The following CYTH1 variants were observed in gnomAD, a reference collection of about 807,000 sequenced individuals.
The protein encoded by CYTH1 is cytohesin 1.
Under a neutral mutation model 61.8 loss-of-function variants are expected in CYTH1, and 18 were observed. That is an observed-to-expected ratio of 0.29 (90% CI 0.20 to 0.43). The LOEUF is 0.43. Ranked by LOEUF, CYTH1 falls within the 20% of genes least tolerant of loss-of-function variation. The probability of loss-of-function intolerance (pLI) is 1.00; values close to 1 mark genes in which losing one functional copy is unlikely to be tolerated. For missense variants in CYTH1, 336 were observed against 510.5 expected, an observed-to-expected ratio of 0.66 and a Z score of 3.29; for synonymous variants, 174 against 184.3, an observed-to-expected ratio of 0.94 and a Z score of 0.45.
intron 1 of CYTH1, among the ~76,000 whole-genome samples, chr17:78,735,564 G>C (rs1333798623): frequency 6.6e-6 from 1 of 152,228 alleles, no homozygotes; most frequent in Non-Finnish European, 1.5e-5. Context: ...ACCTGTGCAT[G>C]CTTCCCTCCC....
intron 1 of CYTH1, among the ~76,000 whole-genome samples, chr17:78,742,103 A>G (rs1276236566): frequency 6.6e-6 from 1 of 152,242 alleles, no homozygotes; most frequent in Non-Finnish European, 1.5e-5. Flanking sequence ...AAATGCTGCA[A>G]CATCCTTGTA....
chr17:78,688,020 T>C (rs1206036951), intron 11 of CYTH1, among the ~76,000 whole-genome samples: 3 of 152,228 alleles, frequency 2.0e-5, no homozygotes, highest in African/African-American at 4.8e-5. Context: ...TTAGGCCATG[T>C]ACTTTAATGT....
chr17:78,770,660 G>C (rs142797549), intron 1 of CYTH1, among the ~76,000 whole-genome samples: 18 of 152,140 alleles, frequency 1.2e-4, no homozygotes, highest in African/African-American at 4.3e-4. Context: ...TTTGTGATCC[G>C]CCTGCCTCGG....
At chr17:78,702,719 A>C in intron 3 of CYTH1, 115 bp from the exon 4 acceptor site, 1 of 1,131,604 alleles carries the variant, frequency 8.8e-7, no homozygotes, top group Non-Finnish European at 1.3e-6. Flanking sequence ...CCAGGAAAGC[A>C]ACAGGCATAA....
intron 3 of CYTH1, among the ~76,000 whole-genome samples, chr17:78,704,878 G>T (rs757561066): frequency 3.3e-5 from 5 of 152,174 alleles, no homozygotes; most frequent in Admixed American, 6.5e-5. Flanking sequence ...AGAACTTCCA[G>T]GTGTAAGATA....
chr17:78,779,169 G>C (rs765637974), intron 1 of CYTH1, among the ~76,000 whole-genome samples: 1 of 152,274 alleles, frequency 6.6e-6, no homozygotes, highest in Non-Finnish European at 1.5e-5. Flanking sequence ...GGGAGGCTTA[G>C]GCAGGCAGAT....
chr17:78,774,500 C>T (rs1430437491), intron 1 of CYTH1, among the ~76,000 whole-genome samples: 1 of 152,154 alleles, frequency 6.6e-6, no homozygotes. Context: ...AACTCAAACT[C>T]ACCACATATT....
At chr17:78,740,353 C>T (rs562234664) in intron 1 of CYTH1, among the ~76,000 whole-genome samples, 1 of 152,346 alleles carries the variant, frequency 6.6e-6, no homozygotes, top group East Asian at 1.9e-4. Flanking sequence ...AGGTCCCCTG[C>T]TCCTCCAGAC....
chr17:78,735,671 G>C (rs1598895746), intron 1 of CYTH1, among the ~76,000 whole-genome samples: 2 of 152,332 alleles, frequency 1.3e-5, no homozygotes. Context: ...GTGCTTTATA[G>C]TGAACCAGAG....
intron 1 of CYTH1, chr17:78,736,811 A>G (rs1044323701): frequency 5.8e-5 from 17 of 292,744 alleles, no homozygotes; most frequent in Non-Finnish European, 2.3e-5. Context: ...GTGGGGTCTG[A>G]CTGGGAGGGG....
chr17:78,723,235 C>T (rs1054677735), intron 1 of CYTH1: 32 of 153,068 alleles, frequency 2.1e-4, no homozygotes, highest in Admixed American at 2.6e-4. Context: ...CCCTCTCCTG[C>T]GGCCCCAGTG....
intron 6 of CYTH1, among the ~76,000 whole-genome samples, chr17:78,701,248 G>A (rs1312249487): frequency 1.3e-5 from 2 of 152,214 alleles, no homozygotes; most frequent in Non-Finnish European, 2.9e-5. Flanking sequence ...ACCTACAGCA[G>A]TGAAAATACA....
At chr17:78,699,136 G>A (rs2092979977) in intron 7 of CYTH1, among the ~76,000 whole-genome samples, 168 bp from the exon 8 acceptor site, 1 of 152,164 alleles carries the variant, frequency 6.6e-6, no homozygotes, top group Non-Finnish European at 1.5e-5. Context: ...GGAGGCCAAG[G>A]CAGGCAGATC....
chr17:78,689,289 T>C (rs1363445748), intron 11 of CYTH1, among the ~76,000 whole-genome samples: 1 of 152,198 alleles, frequency 6.6e-6, no homozygotes, highest in African/African-American at 2.4e-5. Context: ...TGATGTATTA[T>C]TATGGTCTCT....
rs1220251791 is a variant in CYTH1, at chr17:78,707,773, C to T, written c.170+424G>A. On this transcript the variant is annotated intron_variant, in intron 3 of 13. Coordinates refer to ENST00000446868, the MANE Select transcript of CYTH1 (RefSeq NM_004762.6). ...TCAGCTCACTGCAACCTCCACCTCC[C>T]GGGTTCAAGCAATTCTCCTGCCTCA... Among the ~76,000 whole-genome samples the T allele has an allele frequency of 3.3e-5, 5 of 152,048 alleles. No individual in the cohort carries two copies. In the East Asian group the frequency reaches 7.8e-4, roughly 24 times the overall value.
chr17:78,759,880 T>G (rs1265275050), intron 1 of CYTH1, among the ~76,000 whole-genome samples: 3 of 152,196 alleles, frequency 2.0e-5, no homozygotes, highest in Admixed American at 1.3e-4. Flanking sequence ...AGAGAACAGT[T>G]AGAGGTTCTG....
chr17:78,699,063 A>T, intron 7 of CYTH1, 95 bp from the exon 8 acceptor site: 1 of 1,470,630 alleles, frequency 6.8e-7, no homozygotes, highest in Non-Finnish European at 9.3e-7. Context: ...AGATGAAATC[A>T]GGAATAAAAA....
At chr17:78,780,989 G>A (rs1042112450) in intron 1 of CYTH1, among the ~76,000 whole-genome samples, 2 of 151,834 alleles carry the variant, frequency 1.3e-5, no homozygotes, top group African/African-American at 2.4e-5. Context: ...CAGCCTGGGC[G>A]ACAGAGTGAG....
intron 1 of CYTH1, among the ~76,000 whole-genome samples, chr17:78,729,647 TA>T (rs897382047): frequency 9.8e-4 from 149 of 152,302 alleles, no homozygotes; most frequent in African/African-American, 3.5e-3. Context: ...AAATTCCACT[TA>T]AGAGTGGATA....
Sources: allele counts gnomAD v4.1 joint callset (sites outside exome capture counted in the v4.1 genomes callset), GRCh38; gene constraint gnomAD v4.1.1; transcripts MANE v1.5; gene names NCBI Gene and HGNC (gene_info 2026-07-23, HGNC 2026-07-21).